Variants in KIF16B observed in about 807,000 individuals in gnomAD.
KIF16B encodes the protein kinesin-like protein KIF16B.
A neutral mutation model predicts 156.3 loss-of-function variants in KIF16B; 98 were observed. That is an observed-to-expected ratio of 0.63 (90% confidence interval 0.53 to 0.74). The LOEUF (loss-of-function observed/expected upper bound fraction) is 0.74. Ranked by LOEUF, KIF16B falls within the 30% of genes least tolerant of loss-of-function variation. The pLI is 0.00. For synonymous variants in KIF16B, 564 were observed against 583.7 expected (o/e 0.97, Z 0.49); for missense variants, 1,421 against 1,606.5 (o/e 0.88, Z 1.97).
intron 5 of KIF16B, among the ~76,000 whole-genome samples, chr20:16,512,148 A>G (rs967027691): frequency 6.9e-6 from 1 of 145,920 alleles, no homozygotes; most frequent in Non-Finnish European, 1.5e-5. Flanking sequence ...CTCCATCTCC[A>G]AAAAAAAAAA....
intron 15 of KIF16B, among the ~76,000 whole-genome samples, chr20:16,420,483 G>C (rs771362499): frequency 1.3e-5 from 2 of 152,048 alleles, no homozygotes; most frequent in Non-Finnish European, 1.5e-5. Context: ...AATGAAAAGA[G>C]ACATCTGAAT....
chr20:16,437,503 G>A (rs2066673427), intron 12 of KIF16B, among the ~76,000 whole-genome samples: 2 of 152,186 alleles, frequency 1.3e-5, no homozygotes, highest in African/African-American at 4.8e-5. Flanking sequence ...AAAGGGGGAT[G>A]GGATTAGAAT....
intron 12 of KIF16B, among the ~76,000 whole-genome samples, chr20:16,485,166 G>A (rs965103837): frequency 5.9e-5 from 9 of 152,152 alleles, no homozygotes; most frequent in Non-Finnish European, 1.3e-4. Flanking sequence ...AGGGACACAA[G>A]ACCAAATCAT....
At chr20:16,307,083 T>A (rs1447601765) in intron 25 of KIF16B, among the ~76,000 whole-genome samples, 4 of 152,200 alleles carry the variant, frequency 2.6e-5, no homozygotes, top group Non-Finnish European at 2.9e-5. Context: ...GAGGTAGATT[T>A]CAGCTGCTGG....
chr20:16,310,750 T>C (rs2063607882), intron 25 of KIF16B, among the ~76,000 whole-genome samples: 1 of 152,214 alleles, frequency 6.6e-6, no homozygotes, highest in African/African-American at 2.4e-5. Context: ...AATCTTTTCC[T>C]TGAACACAAA....
chr20:16,436,423 C>T (rs562656317), intron 12 of KIF16B, among the ~76,000 whole-genome samples: 41 of 152,138 alleles, frequency 2.7e-4, no homozygotes, highest in Admixed American at 2.7e-3. Context: ...GGGCAGGATG[C>T]CCTCGAGCTT....
At chr20:16,335,844 G>C in intron 24 of KIF16B, 82 bp downstream of exon 24, 3 of 820,944 alleles carry the variant, frequency 3.7e-6, no homozygotes, top group Non-Finnish European at 6.0e-6. Context: ...GACAGAGAGA[G>C]AGATAACATT....
chr20:16,415,821 A>G (rs2066072102), intron 15 of KIF16B, among the ~76,000 whole-genome samples: 1 of 152,050 alleles, frequency 6.6e-6, no homozygotes, highest in South Asian at 2.1e-4. Context: ...CTCTGGGAGG[A>G]GTTTTGGTTC....
At chr20:16,426,062 G>A (rs1440613272) in intron 15 of KIF16B, among the ~76,000 whole-genome samples, 2 of 152,126 alleles carry the variant, frequency 1.3e-5, no homozygotes. Flanking sequence ...GAACAGCAAG[G>A]GGGAAATCCA....
intron 25 of KIF16B, among the ~76,000 whole-genome samples, chr20:16,300,982 C>A (rs1051809901): frequency 1.3e-5 from 2 of 152,104 alleles, no homozygotes; most frequent in Non-Finnish European, 2.9e-5. Context: ...TTATTCTCTG[C>A]CTATTCATCT....
intron 17 of KIF16B, among the ~76,000 whole-genome samples, chr20:16,390,185 C>G (rs2065330979): frequency 6.6e-6 from 1 of 152,076 alleles, no homozygotes. Flanking sequence ...AATTGCTGGT[C>G]TAGAAGGTAC....
chr20:16,548,848 G>A (rs1160666253), intron 1 of KIF16B, among the ~76,000 whole-genome samples: 2 of 152,274 alleles, frequency 1.3e-5, no homozygotes, highest in African/African-American at 4.8e-5. Context: ...TGAGATGCAA[G>A]GCTGCTTGTG....
At chr20:16,402,906 G>A (rs904244465) in intron 17 of KIF16B, among the ~76,000 whole-genome samples, 1 of 151,886 alleles carries the variant, frequency 6.6e-6, no homozygotes, top group Admixed American at 6.6e-5. Context: ...AACAAAAAAT[G>A]GCATTACTTT....
At chr20:16,497,275 A>G (rs12480678) in intron 11 of KIF16B, among the ~76,000 whole-genome samples, 18,137 of 152,246 alleles carry the variant, frequency 0.12, 1,389 homozygotes, top group Non-Finnish European at 0.18. Context: ...GGCCATGGGG[A>G]CCACTACTGT....
intron 3 of KIF16B, among the ~76,000 whole-genome samples, chr20:16,525,027 G>C (rs1015085666): frequency 6.6e-6 from 1 of 152,102 alleles, no homozygotes; most frequent in African/African-American, 2.4e-5. Context: ...AGCCTGTCAG[G>C]GGGTAGGGAG....
intron 25 of KIF16B, among the ~76,000 whole-genome samples, chr20:16,297,087 C>T (rs1042706500): frequency 3.3e-5 from 5 of 152,216 alleles, no homozygotes; most frequent in South Asian, 2.1e-4. Context: ...GGAACTTACA[C>T]GGTCATCTCT....
chr20:16,431,398 C>T (rs529460326), intron 12 of KIF16B, among the ~76,000 whole-genome samples: 3 of 152,248 alleles, frequency 2.0e-5, no homozygotes, highest in South Asian at 2.1e-4. Context: ...CATCTTCTGC[C>T]GCTCTCCCCT....
rs1457800619 is a variant in KIF16B at position 16,411,566 on chromosome 20, G to A, written c.1613-5110C>T. Among the ~76,000 whole-genome samples, 2 of 152,008 alleles carry A rather than the reference G, an allele frequency of 1.3e-5. 1 individual carries two copies. Among genetic ancestry groups the A allele is most frequent in the Non-Finnish European group, 2.9e-5 (2 of 67,978 alleles). On this transcript the variant is annotated intron_variant, in intron 15 of 25. Transcript: ENST00000354981. ...TCAAACATTATCTTTACAGCACAGA[G>A]CAGAGAATAAGTAAGAAAAAAAAAC... is the stretch of plus-strand genomic sequence containing the variant.
intron 1 of KIF16B, among the ~76,000 whole-genome samples, chr20:16,533,288 A>C (rs1306457172): frequency 6.6e-6 from 1 of 152,142 alleles, no homozygotes. Context: ...CTTAATACTC[A>C]AAATATGCTC....
Sources: allele counts gnomAD v4.1 joint callset (sites outside exome capture counted in the v4.1 genomes callset), GRCh38; gene constraint gnomAD v4.1.1; transcripts MANE v1.5; gene names NCBI Gene and HGNC (gene_info 2026-07-23, HGNC 2026-07-21).